The following SECISBP2 variants were observed in gnomAD, a reference collection of about 807,000 sequenced individuals.
SECISBP2 encodes SECIS binding protein 2, also known as selenocysteine insertion sequence-binding protein 2.
In SECISBP2, 96 loss-of-function variants were observed where a neutral mutation model predicts 98.2. That is an observed-to-expected ratio of 0.98 (90% CI 0.83 to 1.16). The LOEUF is 1.16. Ranked by LOEUF, SECISBP2 falls within the 50% of genes most tolerant of loss-of-function variation. The probability of loss-of-function intolerance (pLI) is 0.00; values close to 1 mark genes in which losing one functional copy is unlikely to be tolerated. For missense variants in SECISBP2, 1,046 were observed against 1,022.9 expected, an observed-to-expected ratio of 1.02 and a Z score of -0.31; for synonymous variants, 407 against 370.2, an observed-to-expected ratio of 1.10 and a Z score of -1.14.
In SECISBP2 at chr9:89,358,154, C is replaced by A; in HGVS notation, c.2424C>A (p.Gly808=). The change falls in exon 16 of 17, where the codon GGC becomes GGA. Residue 808 remains glycine (G), a synonymous_variant. Transcript: ENST00000375807. The stretch of plus-strand genomic sequence containing the variant: ...GCCCCAGCTGCCCTGCAGAAGATGG[C>A]CCCCCAGCCCTGAAAGAAAAAGAAG... ...TQGPSCPAED[G]PPALKEKEEP... The A allele has an allele frequency of 6.2e-7, 1 of 1,613,406 alleles. No homozygotes were observed. The highest frequency in any genetic ancestry group is 8.5e-7 in the Non-Finnish European group (1 of 1,179,756).
chr9:89,334,846 GT>G lies in SECISBP2; in HGVS notation c.1089+119del. On this transcript the variant is annotated intron_variant, in intron 7 of 16. Transcript: ENST00000375807. ...GTTTCAGTTTTGCTAGGGGAAATGA[GT>G]TTCTGAAGATGGATGGTGATGATGG... is the stretch of plus-strand genomic sequence containing the variant. The G allele has an allele frequency of 3.8e-6, 3 of 781,720 alleles. No individual in the cohort carries two copies. In the South Asian group the frequency reaches 4.3e-5, roughly 11 times the overall value. 48.4% of individuals were successfully genotyped at this position (781,720 alleles called of 1,614,324 possible). A position where few individuals can be genotyped will look rare whatever the true frequency, so the allele number is the denominator to read the frequency against.
At chr9:89,363,269 C>G (rs998189899), downstream of SECISBP2, among the ~76,000 whole-genome samples, 1 of 151,972 alleles carries the variant, frequency 6.6e-6, no homozygotes, top group Non-Finnish European at 1.5e-5. Context: ...GTGGGATTTC[C>G]CCCCCCAGTG....
chr9:89,336,811 G>A (rs550943186), intron 7 of SECISBP2, among the ~76,000 whole-genome samples: 3 of 122,990 alleles, frequency 2.4e-5, no homozygotes, highest in East Asian at 4.8e-4. Flanking sequence ...TTGCTCTGTC[G>A]CCCAGGTTGG....
chr9:89,364,001 A>C (rs774724834), downstream of SECISBP2: 13 of 1,613,706 alleles, frequency 8.1e-6, no homozygotes, highest in Admixed American at 1.2e-4. Flanking sequence ...GGACCCAAAG[A>C]AGCTGCCCCA....
intron 10 of SECISBP2, among the ~76,000 whole-genome samples, chr9:89,343,113 G>A (rs1264314209): frequency 6.6e-6 from 1 of 152,168 alleles, no homozygotes; most frequent in African/African-American, 2.4e-5. Context: ...CCATGGAAAT[G>A]GTTTACTGCC....
chr9:89,326,101 G>T, intron 4 of SECISBP2, 63 bp downstream of exon 4: 1 of 1,576,498 alleles, frequency 6.3e-7, no homozygotes, highest in Admixed American at 1.7e-5. Context: ...AAACATTCCT[G>T]CTATGTATAC....
chr9:89,358,618 G>A, intron 16 of SECISBP2, 103 bp from the exon 17 acceptor site: 1 of 785,700 alleles, frequency 1.3e-6, no homozygotes, highest in Admixed American at 1.9e-5. Context: ...GTGAGCTGCT[G>A]GGCAGTGGCC....
At chr9:89,349,960 G>T in intron 13 of SECISBP2, 31 bp downstream of exon 13, 1 of 1,613,414 alleles carries the variant, frequency 6.2e-7, no homozygotes. Context: ...CAGGGACTAG[G>T]GGAAGATGGA....
chr9:89,357,634 TG>T, intron 15 of SECISBP2, 69 bp downstream of exon 15: 1 of 1,592,416 alleles, frequency 6.3e-7, no homozygotes, highest in Non-Finnish European at 8.6e-7. Context: ...GTGGTCAGTG[TG>T]GGCTCACCCA....
At chr9:89,356,018 T>C (rs1476032203) in intron 14 of SECISBP2, among the ~76,000 whole-genome samples, 1 of 152,254 alleles carries the variant, frequency 6.6e-6, no homozygotes. Flanking sequence ...AAATCCCGTC[T>C]GTAGTAACTT....
At chr9:89,320,114 T>C (rs1825473619) in intron 2 of SECISBP2, among the ~76,000 whole-genome samples, 1 of 152,164 alleles carries the variant, frequency 6.6e-6, no homozygotes, top group African/African-American at 2.4e-5. Flanking sequence ...CCCAGCACTT[T>C]GGGAGGCCGA....
At chr9:89,360,614 G>T (rs1336354682), downstream of SECISBP2, among the ~76,000 whole-genome samples, 1 of 151,994 alleles carries the variant, frequency 6.6e-6, no homozygotes, top group Non-Finnish European at 1.5e-5. Flanking sequence ...CCTTTTCCTG[G>T]GATTTAACCA....
downstream of SECISBP2, among the ~76,000 whole-genome samples, chr9:89,363,244 T>C (rs4876979): frequency 0.21 from 32,016 of 152,106 alleles, 3,862 homozygotes; most frequent in East Asian, 0.39. Context: ...TCTCCTGCAG[T>C]CTCAGCAACA....
At chr9:89,324,403 T>C (rs908624872) in intron 2 of SECISBP2, 5 of 152,246 alleles carry the variant, frequency 3.3e-5, no homozygotes, top group African/African-American at 1.2e-4. Flanking sequence ...TAACATATCA[T>C]GAAATAGTAA....
In SECISBP2 at chr9:89,320,863, A is replaced by T. The variant is rs137916177; in HGVS notation, c.182+1066A>T. ...CATCAGGTGTAGTTCTAATCTAAGA[A>T]TCCTAATGCTTTTTTCTTCTTTGAT... On this transcript the variant is annotated intron_variant, in intron 2 of 16. Transcript: ENST00000375807. Among the ~76,000 whole-genome samples, 448 of 152,330 alleles carry T rather than the reference A, an allele frequency of 2.9e-3. 2 individuals are homozygous for T. Among genetic ancestry groups the T allele is most frequent in the African/African-American group, 0.01 (426 of 41,578 alleles).
chr9:89,335,324 T>G (rs1828475023), intron 7 of SECISBP2, among the ~76,000 whole-genome samples: 1 of 152,150 alleles, frequency 6.6e-6, no homozygotes, highest in African/African-American at 2.4e-5. Flanking sequence ...TACGTTGATT[T>G]TCTGTGCCAC....
intron 1 of SECISBP2, chr9:89,318,851 A>G (rs965278904): frequency 1.6e-6 from 2 of 1,266,772 alleles, no homozygotes; most frequent in Non-Finnish European, 9.9e-7. Flanking sequence ...GTGCGATGTC[A>G]CCCAGCGCAG....
chr9:89,325,740 A>G, intron 3 of SECISBP2, 64 bp downstream of exon 3: 5 of 1,609,094 alleles, frequency 3.1e-6, no homozygotes, highest in Non-Finnish European at 4.3e-6. Flanking sequence ...AAATGTAAAG[A>G]AATGGTAAAT....
Position 89,319,787 on chromosome 9 carries a change from C to A in SECISBP2, c.172C>A (p.Pro58Thr), listed in dbSNP as rs1825383169. 1 of 1,613,972 alleles carries A rather than the reference C, an allele frequency of 6.2e-7. No homozygotes were observed. The highest frequency in any genetic ancestry group is 1.3e-5 in the African/African-American group (1 of 75,010). ...ATACTATCCGTTTGTTCAGGAACCA[C>A]CAGTGACAGAGTATGTATCTTTCTA... ...ATYYPFVQEP[P>T]VTEQKIYTED... The change falls in exon 2 of 17, where the codon CCA becomes ACA. Residue 58 changes from proline (P) to threonine (T), a missense_variant. Pro to Thr is a conservative substitution (Grantham distance 38). Coordinates refer to ENST00000375807, the MANE Select transcript of SECISBP2 (RefSeq NM_024077.5).
Sources: allele counts gnomAD v4.1 joint callset (sites outside exome capture counted in the v4.1 genomes callset), GRCh38; gene constraint gnomAD v4.1.1; transcripts MANE v1.5; gene names NCBI Gene and HGNC (gene_info 2026-07-23, HGNC 2026-07-21).